The following ZBTB46 variants were observed in gnomAD, a reference collection of about 807,000 sequenced individuals.
The protein encoded by ZBTB46 is zinc finger and BTB domain containing 46.
A neutral mutation model predicts 44.1 loss-of-function variants in ZBTB46; 8 were observed. That is an observed-to-expected ratio of 0.18 (90% confidence interval 0.11 to 0.33). The LOEUF is 0.33. ZBTB46 is among the 10% of genes least tolerant of loss of function. The pLI is 1.00. For synonymous variants in ZBTB46, 409 were observed against 382.3 expected, an observed-to-expected ratio of 1.07 and a Z score of -0.81; for missense variants, 651 against 847.7, an observed-to-expected ratio of 0.77 and a Z score of 2.88.
At chr20:63,754,726 A>C (rs904626429) in intron 3 of ZBTB46, among the ~76,000 whole-genome samples, 1 of 151,900 alleles carries the variant, frequency 6.6e-6, no homozygotes, top group African/African-American at 2.4e-5. Flanking sequence ...CAGCCTCCCG[A>C]GTAGCTGGGA....
upstream of ZBTB46, among the ~76,000 whole-genome samples, chr20:63,831,626 C>G (rs2092853087): frequency 6.7e-6 from 1 of 149,122 alleles, no homozygotes; most frequent in African/African-American, 2.4e-5. Context: ...CCCTGGCCCC[C>G]GCTGCGCCCT....
intron 3 of ZBTB46, chr20:63,775,228 G>C (rs145847442): frequency 6.2e-6 from 1 of 161,696 alleles, no homozygotes; most frequent in African/African-American, 2.4e-5. Context: ...AACGCAAGGC[G>C]AGGCCCCCAA....
intron 1 of ZBTB46, among the ~76,000 whole-genome samples, chr20:63,812,990 T>G (rs1363254679): frequency 1.3e-5 from 2 of 151,612 alleles, no homozygotes; most frequent in Non-Finnish European, 2.9e-5. Flanking sequence ...CCCAGCTACT[T>G]GGAAGGCTGA....
rs967891746 is a variant in ZBTB46 at position 63,826,701 on chromosome 20, C to T, written c.-34+4396G>A. On this transcript the variant is annotated intron_variant, in intron 1 of 4. Transcript: ENST00000245663. The stretch of plus-strand genomic sequence containing the variant: ...CATCGCGCCGCTGCACTCCAGCCTG[C>T]GCGACAGAGCGAGACTCCCTCTCAA... Among the ~76,000 whole-genome samples the T allele has an allele frequency of 7.6e-4, 115 of 152,128 alleles. 1 individual carries two copies. Among genetic ancestry groups the T allele is most frequent in the African/African-American group, 2.6e-3 (109 of 41,418 alleles).
At chr20:63,811,662 G>A (rs1239083078) in intron 1 of ZBTB46, among the ~76,000 whole-genome samples, 4 of 152,108 alleles carry the variant, frequency 2.6e-5, no homozygotes, top group Admixed American at 1.3e-4. Flanking sequence ...TGAGCTGGGC[G>A]ACGGGCCAGC....
At chr20:63,826,703 C>T (rs556397293) in intron 1 of ZBTB46, among the ~76,000 whole-genome samples, 4 of 152,194 alleles carry the variant, frequency 2.6e-5, no homozygotes, top group Admixed American at 1.3e-4. Context: ...CCAGCCTGCG[C>T]GACAGAGCGA....
chr20:63,788,555 T>C (rs899457433), intron 2 of ZBTB46, among the ~76,000 whole-genome samples: 1 of 152,048 alleles, frequency 6.6e-6, no homozygotes, highest in Non-Finnish European at 1.5e-5. Flanking sequence ...AGAAAAAACA[T>C]CAGCCAGGCG....
intron 1 of ZBTB46, among the ~76,000 whole-genome samples, chr20:63,812,529 T>G (rs1432246823): frequency 2.0e-5 from 3 of 147,474 alleles, no homozygotes; most frequent in African/African-American, 5.0e-5. Context: ...ATAATCCCAG[T>G]GCTTTGGGAG....
chr20:63,771,185 GTCT>G lies in ZBTB46; in HGVS notation c.1222+4490_1222+4492del, dbSNP rs564197226. Reference sequence around the variant, plus strand: ...CCCTCGCCCAGCCGAGGCCGCTCTTGTCTTCTTCTCTCTTCCGACAGGGAGCGG... The same window carrying G: ...CCCTCGCCCAGCCGAGGCCGCTCTTGTCTTCTCTCTTCCGACAGGGAGCGG... On this transcript the variant is annotated intron_variant, in intron 3 of 4. Transcript: ENST00000245663. Among the ~76,000 whole-genome samples, 205 of 152,322 alleles carry G rather than the reference GTCT, an allele frequency of 1.3e-3. 1 individual carries two copies. The highest frequency in any genetic ancestry group is 4.5e-3 in the African/African-American group (189 of 41,556).
chr20:63,829,155 G>A (rs2092834975), intron 1 of ZBTB46, among the ~76,000 whole-genome samples: 2 of 152,198 alleles, frequency 1.3e-5, no homozygotes, highest in South Asian at 2.1e-4. Context: ...GGGCTGGGGA[G>A]GGACGGAGGA....
At chr20:63,795,515 A>G (rs2092596752) in intron 1 of ZBTB46, among the ~76,000 whole-genome samples, 1 of 152,182 alleles carries the variant, frequency 6.6e-6, no homozygotes, top group African/African-American at 2.4e-5. Context: ...GCTATTTCAA[A>G]CCCCAATAGC....
chr20:63,747,122 C>G lies in ZBTB46; in HGVS notation c.1578G>C (p.Ala526=). 6.2e-7 allele frequency: 1 copy of G among 1,610,238 alleles called. No individual in the cohort carries two copies. The highest frequency in any genetic ancestry group is 8.5e-7 in the Non-Finnish European group (1 of 1,179,412). Residue 526 remains alanine (A), a synonymous_variant, in exon 5 of 5, where the codon GCG becomes GCC. Coordinates refer to ENST00000245663, the MANE Select transcript of ZBTB46 (RefSeq NM_001369741.1). ...GGGGGEGSPE[A]LFPGDGPYLE... ...GATAGGGCCCGTCGCCTGGGAACAG[C>G]GCCTCTGGAGAGCCCTCGCCGCCTC...
In ZBTB46 at chr20:63,791,475, G is replaced by A. The variant is rs532528578; in HGVS notation, c.-33-685C>T. On this transcript the variant is annotated intron_variant, in intron 1 of 4. Transcript: ENST00000245663. Reference sequence around the variant, plus strand: ...CGCGCCAGTGCACTCCAGCCTGGGCGACAGGGCGAGACTCCATCTCAAAAA... The same window carrying A: ...CGCGCCAGTGCACTCCAGCCTGGGCAACAGGGCGAGACTCCATCTCAAAAA... Among the ~76,000 whole-genome samples the A allele has an allele frequency of 5.9e-5, 7 of 119,504 alleles. No individual in the cohort carries two copies. The East Asian group carries it at 7.5e-4, about 13-fold the overall frequency. The allele number at this position is 119,504 out of a possible 152,430, so 78.4% of individuals were successfully genotyped here.
chr20:63,771,564 C>G (rs889977288), intron 3 of ZBTB46, among the ~76,000 whole-genome samples: 1 of 152,228 alleles, frequency 6.6e-6, no homozygotes, highest in Non-Finnish European at 1.5e-5. Context: ...TGGGGCTACG[C>G]CGTGAACTCT....
intron 3 of ZBTB46, among the ~76,000 whole-genome samples, chr20:63,771,028 C>G (rs8121038): frequency 0.12 from 2,609 of 21,196 alleles, 1 homozygote; most frequent in African/African-American, 0.2. Flanking sequence ...CGCAAGTCAG[C>G]ACCGGCCACG....
upstream of ZBTB46, among the ~76,000 whole-genome samples, chr20:63,832,468 G>A (rs1234182731): frequency 1.3e-5 from 2 of 152,206 alleles, no homozygotes; most frequent in East Asian, 1.9e-4. This position sits in a 1 kb window ranked among gnomAD's most constrained non-coding sequence, Gnocchi z 5.0. Flanking sequence ...GAGGTGGGAG[G>A]CGGCGGCCCT....
chr20:63,773,445 T>C (rs1239149226), intron 3 of ZBTB46, among the ~76,000 whole-genome samples: 1 of 151,974 alleles, frequency 6.6e-6, no homozygotes, highest in Non-Finnish European at 1.5e-5. Context: ...GCTCCCAAAG[T>C]CGTTCTTAAT....
chr20:63,831,480 G>C (rs1316026793), upstream of ZBTB46, among the ~76,000 whole-genome samples: 4 of 145,778 alleles, frequency 2.7e-5, no homozygotes, highest in Admixed American at 2.0e-4. Context: ...GGGGTCGCAG[G>C]GGGCCGCGCC....
rs531592414 is a variant in ZBTB46 at position 63,773,719 on chromosome 20, C to T, written c.1222+1959G>A. Among the ~76,000 whole-genome samples the T allele has an allele frequency of 3.1e-3, 457 of 149,796 alleles. 3 individuals carry two copies. Among genetic ancestry groups the T allele is most frequent in the African/African-American group, 0.011 (439 of 40,718 alleles). On this transcript the variant is annotated intron_variant, in intron 3 of 4. Transcript: ENST00000245663. ...GGAGGGGAGGGTAGTGAGGGAGGCC[C>T]GGGATCCCCCTCCGACCGCACCCAC...
Sources: allele counts gnomAD v4.1 joint callset (sites outside exome capture counted in the v4.1 genomes callset), GRCh38; gene constraint gnomAD v4.1.1; non-coding constraint Gnocchi (gnomAD v3.1); transcripts MANE v1.5; gene names NCBI Gene and HGNC (gene_info 2026-07-23, HGNC 2026-07-21).